TUT4: variants seen among roughly 807,000 people sequenced by gnomAD.
TUT4 encodes the protein terminal uridylyltransferase 4.
In TUT4, 36 loss-of-function variants were observed where a neutral mutation model predicts 192.2. The ratio of observed to expected loss-of-function variants is 0.19; its 90% CI spans 0.14 to 0.25. The LOEUF is 0.25. Among genes scored for constraint, TUT4 ranks in the 10% least tolerant of loss-of-function variants. The pLI, the probability that TUT4 is intolerant of heterozygous loss-of-function variation, is 1.00. For synonymous variants in TUT4, 618 were observed against 666.0 expected, an observed-to-expected ratio of 0.93 and a Z score of 1.11; for missense variants, 1,493 against 1,957.2, an observed-to-expected ratio of 0.76 and a Z score of 4.47.
At chr1:52,436,293 C>A (rs1307056178) in intron 26 of TUT4, among the ~76,000 whole-genome samples, 1 of 152,114 alleles carries the variant, frequency 6.6e-6, no homozygotes, top group Non-Finnish European at 1.5e-5. Flanking sequence ...TGAGACCAGC[C>A]TGGCCAACAC....
At chr1:52,497,339 T>C (rs925587508) in intron 4 of TUT4, among the ~76,000 whole-genome samples, 156 bp from the exon 5 acceptor site, 2 of 152,182 alleles carry the variant, frequency 1.3e-5, no homozygotes, top group African/African-American at 4.8e-5. Flanking sequence ...ACAAAAGACT[T>C]CTGCCTTTGG....
At chr1:52,544,178 C>T (rs1687457098) in intron 1 of TUT4, among the ~76,000 whole-genome samples, 1 of 151,722 alleles carries the variant, frequency 6.6e-6, no homozygotes, top group Non-Finnish European at 1.5e-5. Flanking sequence ...TCCCAGGCTA[C>T]TCGGGAGGCT....
chr1:52,464,517 G>A (rs1359691322), intron 16 of TUT4, among the ~76,000 whole-genome samples: 5 of 152,162 alleles, frequency 3.3e-5, no homozygotes, highest in Admixed American at 3.3e-4. Context: ...GCCTCCCAAA[G>A]TGCTGGGATT....
At chr1:52,483,418 T>TA (rs142070712) in intron 9 of TUT4, among the ~76,000 whole-genome samples, 13,358 of 152,248 alleles carry the variant, frequency 0.088, 735 homozygotes, top group East Asian at 0.2. Context: ...TAAAATTTTT[T>TA]ATTTTCACTA....
At chr1:52,509,529 T>C in intron 4 of TUT4, 67 bp downstream of exon 4, 2 of 937,758 alleles carry the variant, frequency 2.1e-6, no homozygotes, top group Non-Finnish European at 1.6e-6. Context: ...GTTTCACAAA[T>C]AAAAAATATT....
In TUT4 at chr1:52,458,341, G is replaced by A; in HGVS notation, c.3430C>T (p.Gln1144Ter). 6.2e-7 allele frequency: 1 copy of A among 1,612,056 alleles called. No homozygotes were observed. The highest frequency in any genetic ancestry group is 8.5e-7 in the Non-Finnish European group (1 of 1,178,682). Residue 1144 changes from glutamine to a stop codon, truncating the protein, a stop_gained, in exon 20 of 30, where the codon CAA becomes TAA. Coordinates refer to ENST00000257177, the MANE Select transcript of TUT4 (RefSeq NM_001009881.3). LOFTEE classifies it high-confidence loss of function. Reference sequence around the variant, plus strand: ...TAGTTTTCTTAAACACCTACCTCTTGTAGAACTGGGATAACAGGTGGCTTT... The same window carrying A: ...TAGTTTTCTTAAACACCTACCTCTTATAGAACTGGGATAACAGGTGGCTTT... Reference protein sequence around the residue: ...QRKPPVIPVLQEIFDGKQIPQ... With the variant: ...QRKPPVIPVL
chr1:52,447,375 GA>G (rs1472291741), intron 20 of TUT4, among the ~76,000 whole-genome samples: 1 of 151,012 alleles, frequency 6.6e-6, no homozygotes, highest in East Asian at 1.9e-4. Flanking sequence ...CTTGAACCTG[GA>G]AAGCAGAGGT....
At chr1:52,542,944 A>T (rs1687117836) in intron 1 of TUT4, among the ~76,000 whole-genome samples, 1 of 151,994 alleles carries the variant, frequency 6.6e-6, no homozygotes, top group South Asian at 2.1e-4. Flanking sequence ...TAGTAGAGAC[A>T]GCGTTTCTCC....
chr1:52,454,717 T>G (rs1252350164), intron 20 of TUT4, among the ~76,000 whole-genome samples: 1 of 152,104 alleles, frequency 6.6e-6, no homozygotes, highest in Non-Finnish European at 1.5e-5. Context: ...ATTGACAAGA[T>G]GGACTTTACT....
rs751243619 is a variant in TUT4, at chr1:52,463,800, G to GT, written c.3069+1269dup. On this transcript the variant is annotated intron_variant, in intron 16 of 29. Coordinates refer to ENST00000257177, the MANE Select transcript of TUT4 (RefSeq NM_001009881.3). ...GGCCTGGTATACAAAAAAGGAAAGC[G>GT]TAAGTACCCACTCTTACTGCTGAAA... 424 of 1,303,782 alleles carry GT rather than the reference G, an allele frequency of 3.3e-4. 1 individual carries two copies. The highest frequency in any genetic ancestry group is 9.1e-4 in the South Asian group (74 of 80,972). The allele number at this position is 1,303,782 out of a possible 1,614,324, so 80.8% of individuals were successfully genotyped here. A position where few individuals can be genotyped will look rare whatever the true frequency, so the allele number is the denominator to read the frequency against.
At chr1:52,550,167 C>A (rs1353079) in intron 1 of TUT4, among the ~76,000 whole-genome samples, 22,963 of 151,988 alleles carry the variant, frequency 0.15, 2,312 homozygotes, top group Non-Finnish European at 0.23. Flanking sequence ...TTAAACATTT[C>A]CCCCAAATTA....
rs954011290 is a variant in TUT4, at chr1:52,431,480, T to A, written c.4264-20A>T. On this transcript the variant is annotated intron_variant, in intron 27 of 29. Coordinates refer to ENST00000257177, the MANE Select transcript of TUT4 (RefSeq NM_001009881.3). Reference sequence around the variant, plus strand: ...TTCAGACTGCAGACAAAAAAAAAATTTTTTTTAATTAATTTATAAACATCT... The same window carrying A: ...TTCAGACTGCAGACAAAAAAAAAATATTTTTTAATTAATTTATAAACATCT... The A allele has an allele frequency of 1.4e-6, 2 of 1,455,570 alleles. No homozygotes were observed. The highest frequency in any genetic ancestry group is 2.9e-5 in the African/African-American group (2 of 69,520). The allele number at this position is 1,455,570 out of a possible 1,614,324, so 90.2% of individuals were successfully genotyped here. A position where few individuals can be genotyped will look rare whatever the true frequency, so the allele number is the denominator to read the frequency against.
intron 2 of TUT4, among the ~76,000 whole-genome samples, chr1:52,517,798 T>G (rs191240672): frequency 1.3e-5 from 2 of 152,350 alleles, no homozygotes; most frequent in East Asian, 3.9e-4. Context: ...GATGAAATCC[T>G]AGTATTATTT....
chr1:52,434,115 T>A (rs1652987285), intron 27 of TUT4: 1 of 152,228 alleles, frequency 6.6e-6, no homozygotes, highest in African/African-American at 2.4e-5. Flanking sequence ...TTAACTACAT[T>A]AAATGTGATT....
chr1:52,521,045 C>T (rs548629173), intron 2 of TUT4, among the ~76,000 whole-genome samples: 5 of 152,202 alleles, frequency 3.3e-5, no homozygotes, highest in African/African-American at 1.2e-4. Flanking sequence ...CCGCCTGCCT[C>T]GGCCTCCCAA....
chr1:52,531,527 T>C (rs1286682002), intron 1 of TUT4, among the ~76,000 whole-genome samples: 1 of 152,228 alleles, frequency 6.6e-6, no homozygotes, highest in Non-Finnish European at 1.5e-5. Context: ...ATTTTGCTTA[T>C]CATTACATCT....
At chr1:52,467,708 T>TC (rs1664604558) in intron 15 of TUT4, among the ~76,000 whole-genome samples, 1 of 152,144 alleles carries the variant, frequency 6.6e-6, no homozygotes, top group African/African-American at 2.4e-5. Context: ...CTAGACCCCC[T>TC]CTCTGACCTC....
chr1:52,450,077 ATCT>A (rs1658904396), intron 20 of TUT4, among the ~76,000 whole-genome samples: 1 of 152,194 alleles, frequency 6.6e-6, no homozygotes, highest in African/African-American at 2.4e-5. Flanking sequence ...TAGAGCAAAA[ATCT>A]TCTGCCTAGG....
chr1:52,549,989 T>C (rs1688995884), intron 1 of TUT4, among the ~76,000 whole-genome samples: 1 of 152,170 alleles, frequency 6.6e-6, no homozygotes, highest in South Asian at 2.1e-4. Flanking sequence ...CTAACATTAA[T>C]CTTTGCATTT....
Sources: allele counts gnomAD v4.1 joint callset (sites outside exome capture counted in the v4.1 genomes callset), GRCh38; gene constraint gnomAD v4.1.1; transcripts MANE v1.5; gene names NCBI Gene and HGNC (gene_info 2026-07-23, HGNC 2026-07-21).